The following CTNNA3 variants were observed in gnomAD, a reference collection of about 807,000 sequenced individuals.
CTNNA3 encodes catenin alpha 3.
Under a neutral mutation model 95.7 loss-of-function variants are expected in CTNNA3, and 76 were observed. That is an observed-to-expected ratio of 0.79 (90% CI 0.66 to 0.96). CTNNA3 has a LOEUF of 0.96. CTNNA3 is among the 40% of genes least tolerant of loss of function. CTNNA3 has a pLI of 0.00. For synonymous variants in CTNNA3, 431 were observed against 374.4 expected, an observed-to-expected ratio of 1.15 and a Z score of -1.74; for missense variants, 1,191 against 1,089.8, an observed-to-expected ratio of 1.09 and a Z score of -1.31.
At chr10:66,824,120 T>C (rs1257770917) in intron 7 of CTNNA3, among the ~76,000 whole-genome samples, 1 of 151,708 alleles carries the variant, frequency 6.6e-6, no homozygotes, top group Non-Finnish European at 1.5e-5. Flanking sequence ...AAAGAAACTA[T>C]GTATGGGGTT....
intron 6 of CTNNA3, among the ~76,000 whole-genome samples, chr10:67,211,488 G>C (rs1864137283): frequency 6.6e-6 from 1 of 152,020 alleles, no homozygotes; most frequent in Non-Finnish European, 1.5e-5. Flanking sequence ...TTCTTTTATT[G>C]GGTAAATATT....
At chr10:67,661,249 A>G (rs1375636051) in intron 1 of CTNNA3, among the ~76,000 whole-genome samples, 6 of 151,638 alleles carry the variant, frequency 4.0e-5, no homozygotes, top group South Asian at 2.1e-4. Context: ...ACAAAAAAAA[A>G]AGAGAGAGAG....
At chr10:67,700,163 G>C (rs1841024660), upstream of CTNNA3, among the ~76,000 whole-genome samples, 1 of 152,276 alleles carries the variant, frequency 6.6e-6, no homozygotes, top group Non-Finnish European at 1.5e-5. Context: ...AAGGAGGCCT[G>C]CCTGCCTCTG....
chr10:66,536,481 CA>C (rs10676331), intron 10 of CTNNA3, among the ~76,000 whole-genome samples: 343 of 116,164 alleles, frequency 3.0e-3, no homozygotes, highest in African/African-American at 7.3e-3. Context: ...GACTCTGTCT[CA>C]AAAAAAAAAA....
At chr10:66,230,679 C>T (rs922344) in intron 13 of CTNNA3, among the ~76,000 whole-genome samples, 54,448 of 151,734 alleles carry the variant, frequency 0.36, 10,161 homozygotes, top group East Asian at 0.46. Flanking sequence ...TTATGGAGAG[C>T]GTGCACAGTC....
chr10:66,927,264 T>C lies in CTNNA3; in HGVS notation c.1048-151740A>G, dbSNP rs896448749. On this transcript the variant is annotated intron_variant, in intron 7 of 17. Transcript: ENST00000433211. The surrounding 1 kb of genome is among the most constrained non-coding windows in gnomAD (Gnocchi z 4.7). Reference sequence around the variant, plus strand: ...TACGCAGACTCAAAGAGCTGATTCTTAGTTCCAATAGAATCTCCTATTTTC... The same window carrying C: ...TACGCAGACTCAAAGAGCTGATTCTCAGTTCCAATAGAATCTCCTATTTTC... 3 of 1,614,062 alleles carry C rather than the reference T, an allele frequency of 1.9e-6. No individual in the cohort carries two copies. The highest frequency in any genetic ancestry group is 3.3e-5 in the Admixed American group (2 of 60,024).
At chr10:66,747,719 A>T (rs1166387320) in intron 9 of CTNNA3, among the ~76,000 whole-genome samples, 1 of 152,144 alleles carries the variant, frequency 6.6e-6, no homozygotes, top group Non-Finnish European at 1.5e-5. Flanking sequence ...AAGCAGAGTC[A>T]CCTGGGCCTG....
At chr10:67,463,286 T>C (rs926380031) in intron 5 of CTNNA3, among the ~76,000 whole-genome samples, 1 of 152,158 alleles carries the variant, frequency 6.6e-6, no homozygotes, top group African/African-American at 2.4e-5. Flanking sequence ...TAAATCTGAG[T>C]AGTTTGTTTT....
chr10:66,936,092 A>C (rs988932979), intron 7 of CTNNA3, among the ~76,000 whole-genome samples: 1 of 152,144 alleles, frequency 6.6e-6, no homozygotes, highest in Admixed American at 6.6e-5. Context: ...GTAAGTGTTT[A>C]GTCTTTTGGA....
rs558951906 is a variant in CTNNA3, at chr10:66,714,169, A to C, written c.1281+52095T>G. On this transcript the variant is annotated intron_variant, in intron 9 of 17. Transcript: ENST00000433211. ...TAACATTAGCATATTAACTATATTT[A>C]CCTCAAACTTTTCCTAATGGAGCTA... 3.7e-4 allele frequency among the ~76,000 whole-genome samples: 56 copies of C among 152,120 alleles called. 1 individual carries two copies. The highest frequency in any genetic ancestry group is 1.2e-3 in the African/African-American group (51 of 41,420).
At chr10:67,102,680 G>C (rs1471437315) in intron 7 of CTNNA3, among the ~76,000 whole-genome samples, 1 of 151,796 alleles carries the variant, frequency 6.6e-6, no homozygotes, top group Non-Finnish European at 1.5e-5. Flanking sequence ...TGTATCAAGA[G>C]ACCTTGTGAT....
At chr10:67,663,740 T>C (rs1840258802) in intron 1 of CTNNA3, among the ~76,000 whole-genome samples, 1 of 152,214 alleles carries the variant, frequency 6.6e-6, no homozygotes, top group Non-Finnish European at 1.5e-5. Context: ...CCCTGGCTCA[T>C]CATGTTAATA....
intron 7 of CTNNA3, among the ~76,000 whole-genome samples, chr10:67,011,301 A>G (rs1316923412): frequency 1.3e-5 from 2 of 151,102 alleles, no homozygotes; most frequent in African/African-American, 4.9e-5. Context: ...AGATCATGCC[A>G]CTGCACTCCA....
At chr10:66,316,207 A>G (rs2132274074) in intron 12 of CTNNA3, among the ~76,000 whole-genome samples, 1 of 152,216 alleles carries the variant, frequency 6.6e-6, no homozygotes, top group Admixed American at 6.5e-5. Context: ...TCAGTGAGTG[A>G]CAGTGGTGGT....
intron 16 of CTNNA3, among the ~76,000 whole-genome samples, chr10:65,975,162 C>A (rs1272479634): frequency 1.3e-5 from 2 of 152,064 alleles, no homozygotes; most frequent in African/African-American, 4.8e-5. Context: ...GCAAAGAATT[C>A]AACTCTTCTG....
chr10:67,374,912 A>AT (rs892399204), intron 5 of CTNNA3, among the ~76,000 whole-genome samples: 4 of 152,204 alleles, frequency 2.6e-5, no homozygotes, highest in Admixed American at 2.6e-4. Flanking sequence ...ATACAAATAT[A>AT]TATCTCTTAA....
chr10:65,964,495 C>A lies in CTNNA3; in HGVS notation c.2400+2117G>T, dbSNP rs571116974. Among the ~76,000 whole-genome samples, 15 of 152,046 alleles carry A rather than the reference C, an allele frequency of 9.9e-5. No homozygotes were observed. The Middle Eastern group carries it at 0.017, about 172-fold the overall frequency. Reference sequence around the variant, plus strand: ...ATTTATCTGTAATATATGTAAAGTTCATGAATTTGAATCATTATACCAAAC... The same window carrying A: ...ATTTATCTGTAATATATGTAAAGTTAATGAATTTGAATCATTATACCAAAC... On this transcript the variant is annotated intron_variant, in intron 17 of 17. Coordinates refer to ENST00000433211, the MANE Select transcript of CTNNA3 (RefSeq NM_013266.4).
intron 8 of CTNNA3, among the ~76,000 whole-genome samples, chr10:66,773,156 T>C (rs1202649154): frequency 6.6e-6 from 1 of 152,150 alleles, no homozygotes; most frequent in African/African-American, 2.4e-5. Context: ...GAAAGAATCA[T>C]AGCAACTAAC....
intron 5 of CTNNA3, among the ~76,000 whole-genome samples, chr10:67,363,085 C>G (rs1287841619): frequency 6.6e-6 from 1 of 151,964 alleles, no homozygotes; most frequent in Admixed American, 6.6e-5. Context: ...ACAAGGAGAT[C>G]TACAAAACAC....
Sources: allele counts gnomAD v4.1 joint callset (sites outside exome capture counted in the v4.1 genomes callset), GRCh38; gene constraint gnomAD v4.1.1; non-coding constraint Gnocchi (gnomAD v3.1); transcripts MANE v1.5; gene names NCBI Gene and HGNC (gene_info 2026-07-23, HGNC 2026-07-21).